The following BLTP1 variants were observed in gnomAD, a reference collection of about 807,000 sequenced individuals.
BLTP1 encodes fragile site-associated protein.
At chr4:122,298,092 A>G in the BLTP1 span, 1 of 671,290 alleles carries the variant, frequency 1.5e-6, no homozygotes, top group African/African-American at 1.9e-5. Flanking sequence ...AGTAGCCAAT[A>G]TTAGATACAT....
At chr4:122,181,621 C>A in the BLTP1 span, among the ~76,000 whole-genome samples, 2 of 151,244 alleles carry the variant, frequency 1.3e-5, no homozygotes, top group Non-Finnish European at 2.9e-5. Flanking sequence ...TCTTGTTAGA[C>A]TTTTATCAAA....
At chr4:122,167,323 A>G in the BLTP1 span, among the ~76,000 whole-genome samples, 38 of 152,130 alleles carry the variant, frequency 2.5e-4, no homozygotes, top group Admixed American at 3.3e-4. Flanking sequence ...ATTATCCTTA[A>G]TATGTTTATT....
chr4:122,353,138 A>G, the BLTP1 span: 1 of 1,613,540 alleles, frequency 6.2e-7, no homozygotes, highest in Non-Finnish European at 8.5e-7. The surrounding 1 kb of genome is among the most constrained non-coding windows in gnomAD (Gnocchi z 4.3). Context: ...ACTGAAGCTC[A>G]GAAAATCTGG....
At chr4:122,224,422 G>A in the BLTP1 span, 1 of 1,452,892 alleles carries the variant, frequency 6.9e-7, no homozygotes, top group Non-Finnish European at 9.3e-7. Flanking sequence ...CTCTGCAGGG[G>A]GTGTGGGGGG....
At chr4:122,211,080 C>T in the BLTP1 span, 1 of 1,611,552 alleles carries the variant, frequency 6.2e-7, no homozygotes, top group Non-Finnish European at 8.5e-7. Context: ...TACTAAATGC[C>T]TTTTTGTGTA....
the BLTP1 span, chr4:122,289,199 T>C: frequency 1.1e-5 from 18 of 1,583,498 alleles, no homozygotes; most frequent in South Asian, 1.9e-4. Context: ...TCTGGTAAGA[T>C]GATCTAGTAC....
chr4:122,336,598 T>C, the BLTP1 span: 1 of 864,864 alleles, frequency 1.2e-6, no homozygotes, highest in Non-Finnish European at 1.4e-6. Context: ...TTAACATAAG[T>C]TCTACATCCT....
the BLTP1 span, chr4:122,192,418 T>A: frequency 8.2e-7 from 1 of 1,226,032 alleles, no homozygotes; most frequent in Non-Finnish European, 1.2e-6. Context: ...GTTTTTTAGA[T>A]GTATTTAGAT....
At chr4:122,255,275 G>A in the BLTP1 span, 1 of 1,592,232 alleles carries the variant, frequency 6.3e-7, no homozygotes, top group Non-Finnish European at 8.6e-7. Flanking sequence ...CATTGATGAT[G>A]CTACAATGGT....
chr4:122,260,163 G>A, the BLTP1 span, among the ~76,000 whole-genome samples: 3 of 152,258 alleles, frequency 2.0e-5, no homozygotes, highest in East Asian at 5.8e-4. Context: ...AACCTGTACA[G>A]CATATTACTA....
chr4:122,201,322 A>C, the BLTP1 span, among the ~76,000 whole-genome samples: 1 of 152,202 alleles, frequency 6.6e-6, no homozygotes, highest in Admixed American at 6.5e-5. Context: ...AAACAAGGAA[A>C]ATATAAACCC....
At chr4:122,255,828 G>A in the BLTP1 span, 1 of 153,022 alleles carries the variant, frequency 6.5e-6, no homozygotes, top group Non-Finnish European at 1.5e-5. Flanking sequence ...CAAAATTAAA[G>A]GGGGTGTAGG....
At chr4:122,185,687 A>T in the BLTP1 span, among the ~76,000 whole-genome samples, 1 of 152,098 alleles carries the variant, frequency 6.6e-6, no homozygotes, top group Non-Finnish European at 1.5e-5. Context: ...ATTTTACTGC[A>T]TATATTTTGG....
At chr4:122,251,461 T>A in the BLTP1 span, 1 of 929,158 alleles carries the variant, frequency 1.1e-6, no homozygotes, top group South Asian at 5.0e-5. Flanking sequence ...TTGTTTTTAT[T>A]TAATATGTAG....
chr4:122,161,969 T>G, the BLTP1 span, among the ~76,000 whole-genome samples: 1 of 152,140 alleles, frequency 6.6e-6, no homozygotes. Context: ...CAGTCATTAG[T>G]GGGGGAGATA....
chr4:122,337,139 T>A, the BLTP1 span: 1 of 897,718 alleles, frequency 1.1e-6, no homozygotes, highest in Non-Finnish European at 1.7e-6. Context: ...CATGAACCTT[T>A]AGTATGTTTG....
the BLTP1 span, chr4:122,204,668 T>A: frequency 4.4e-6 from 3 of 680,846 alleles, no homozygotes; most frequent in Non-Finnish European, 3.6e-6. Context: ...TATGAATGAG[T>A]GAAAAAGGTG....
chr4:122,299,707 T>TG, the BLTP1 span: 43 of 687,012 alleles, frequency 6.3e-5, no homozygotes, highest in African/African-American at 4.9e-4. Context: ...ATAGCTGGGT[T>TG]GGGGGGGTGA....
the BLTP1 span, among the ~76,000 whole-genome samples, chr4:122,361,600 G>A: frequency 1.7e-3 from 259 of 152,196 alleles, no homozygotes; most frequent in Middle Eastern, 6.8e-3. Flanking sequence ...GTTTCTCCAC[G>A]TATAAGGAAA....
Sources: gnomAD v4.1 joint callset for allele counts (sites outside exome capture counted in the v4.1 genomes callset) on GRCh38, gnomAD v4.1.1 for gene constraint, Gnocchi (gnomAD v3.1) non-coding constraint, MANE v1.5 for transcripts, NCBI Gene and HGNC (gene_info 2026-07-23, HGNC 2026-07-21) for gene names.